Variants in CACNA1E observed in about 807,000 individuals in gnomAD.
CACNA1E encodes voltage-dependent R-type calcium channel subunit alpha-1E.
CACNA1E carries 40 observed loss-of-function variants against 259.2 expected under a neutral mutation model. That is an observed-to-expected ratio of 0.15 (90% CI 0.12 to 0.20). The LOEUF is 0.20. CACNA1E is among the 10% of genes least tolerant of loss of function. CACNA1E has a pLI of 1.00. For synonymous variants in CACNA1E, 1,104 were observed against 1,138.5 expected (o/e 0.97, Z 0.61); for missense variants, 1,874 against 3,040.1 (o/e 0.62, Z 9.02).
chr1:181,322,122 T>C (rs969696878), intron 1 of CACNA1E, among the ~76,000 whole-genome samples: 2 of 152,184 alleles, frequency 1.3e-5, no homozygotes, highest in Non-Finnish European at 2.9e-5. Flanking sequence ...AGCCCAGTTC[T>C]GGTCTGGAAA....
chr1:181,387,635 A>G (rs1340634602), intron 1 of CACNA1E, among the ~76,000 whole-genome samples: 1 of 152,236 alleles, frequency 6.6e-6, no homozygotes, highest in African/African-American at 2.4e-5. Flanking sequence ...CTGGAAGTGC[A>G]GATGGTGTTG....
chr1:181,783,111 A>G (rs1181853479), intron 39 of CACNA1E, among the ~76,000 whole-genome samples: 1 of 152,142 alleles, frequency 6.6e-6, no homozygotes, highest in Admixed American at 6.5e-5. Flanking sequence ...TCCTTTAGAC[A>G]AGTTGGACTT....
At chr1:181,725,657 C>T (rs149187879) in intron 17 of CACNA1E, among the ~76,000 whole-genome samples, 154 of 152,328 alleles carry the variant, frequency 1.0e-3, no homozygotes, top group Non-Finnish European at 1.8e-3. Flanking sequence ...CTTTACTTGG[C>T]GGGGTCCTTG....
chr1:181,552,334 A>G (rs1193647444), intron 3 of CACNA1E, among the ~76,000 whole-genome samples: 6 of 152,188 alleles, frequency 3.9e-5, no homozygotes, highest in Non-Finnish European at 8.8e-5. Flanking sequence ...TGATTTTGTC[A>G]TCTAAGCTGT....
chr1:181,710,379 C>T (rs1386108433), intron 7 of CACNA1E, among the ~76,000 whole-genome samples: 1 of 152,208 alleles, frequency 6.6e-6, no homozygotes, highest in Non-Finnish European at 1.5e-5. Flanking sequence ...GCAGAGGCAA[C>T]ACAGCATTGT....
intron 7 of CACNA1E, among the ~76,000 whole-genome samples, chr1:181,705,343 T>C (rs1652690280): frequency 6.6e-6 from 1 of 152,260 alleles, no homozygotes; most frequent in South Asian, 2.1e-4. Context: ...TAGCTGTGTA[T>C]GAATAGTTGA....
intron 7 of CACNA1E, among the ~76,000 whole-genome samples, chr1:181,699,046 CA>C (rs1651978429): frequency 1.3e-5 from 2 of 152,150 alleles, no homozygotes; most frequent in South Asian, 4.1e-4. Context: ...AATAGGTGTA[CA>C]GCTTGTTTTC....
At chr1:181,553,446 A>T (rs918132013) in intron 3 of CACNA1E, among the ~76,000 whole-genome samples, 1 of 152,206 alleles carries the variant, frequency 6.6e-6, no homozygotes, top group Non-Finnish European at 1.5e-5. Context: ...TGTCATCTGC[A>T]AACAGAGACA....
chr1:181,569,317 G>A (rs528542038), intron 3 of CACNA1E, among the ~76,000 whole-genome samples: 245 of 152,240 alleles, frequency 1.6e-3, no homozygotes, highest in African/African-American at 5.2e-3. Context: ...TGGCATCAAG[G>A]GGCCCCGGCA....
chr1:181,370,881 A>G (rs145482995), intron 1 of CACNA1E, among the ~76,000 whole-genome samples: 2 of 152,174 alleles, frequency 1.3e-5, no homozygotes, highest in African/African-American at 4.8e-5. Flanking sequence ...GCTAATTTAC[A>G]TTTCTACCAT....
At chr1:181,460,659 A>G (rs1462571507) in intron 2 of CACNA1E, among the ~76,000 whole-genome samples, 1 of 152,216 alleles carries the variant, frequency 6.6e-6, no homozygotes, top group African/African-American at 2.4e-5. Flanking sequence ...TTCAGCTCCT[A>G]GTTGAATCAA....
chr1:181,472,350 A>G (rs1449377871), intron 2 of CACNA1E, among the ~76,000 whole-genome samples: 1 of 152,214 alleles, frequency 6.6e-6, no homozygotes, highest in African/African-American at 2.4e-5. Flanking sequence ...ATTGTATTAG[A>G]GACTTGTGTT....
At chr1:181,555,846 T>C in intron 3 of CACNA1E, among the ~76,000 whole-genome samples, 1 of 152,228 alleles carries the variant, frequency 6.6e-6, no homozygotes, top group South Asian at 2.1e-4. Flanking sequence ...CTACCTGAAC[T>C]GTGGCTCCTG....
intron 37 of CACNA1E, among the ~76,000 whole-genome samples, chr1:181,773,989 C>T (rs1213522191): frequency 6.6e-6 from 1 of 152,174 alleles, no homozygotes; most frequent in Non-Finnish European, 1.5e-5. Flanking sequence ...CACAGCTTCT[C>T]AACTCAAACC....
intron 6 of CACNA1E, among the ~76,000 whole-genome samples, chr1:181,593,850 C>A (rs1477084851): frequency 2.0e-5 from 3 of 152,176 alleles, no homozygotes; most frequent in Non-Finnish European, 4.4e-5. Flanking sequence ...GACATCTTAA[C>A]CTTTGCAAGT....
chr1:181,516,009 C>T (rs1025124917), intron 3 of CACNA1E, among the ~76,000 whole-genome samples: 2 of 152,120 alleles, frequency 1.3e-5, no homozygotes, highest in African/African-American at 4.8e-5. Flanking sequence ...GTGTCTATGT[C>T]TCTCTCATCT....
At chr1:181,381,400 A>C (rs1247618580) in intron 1 of CACNA1E, among the ~76,000 whole-genome samples, 1 of 152,230 alleles carries the variant, frequency 6.6e-6, no homozygotes, top group East Asian at 1.9e-4. Flanking sequence ...AGCCAGGCAA[A>C]AATGAGTATG....
At chr1:181,792,875 C>T (rs1230579009) in intron 44 of CACNA1E, among the ~76,000 whole-genome samples, 1 of 152,216 alleles carries the variant, frequency 6.6e-6, no homozygotes, top group African/African-American at 2.4e-5. Flanking sequence ...TAGAGATTTC[C>T]AGTCCAACCT....
intron 2 of CACNA1E, among the ~76,000 whole-genome samples, chr1:181,424,417 G>A (rs977269835): frequency 5.3e-5 from 8 of 152,204 alleles, no homozygotes; most frequent in Non-Finnish European, 8.8e-5. Context: ...CTGGTGACTC[G>A]CCTTTCCCTT....
Sources: allele counts gnomAD v4.1 joint callset (sites outside exome capture counted in the v4.1 genomes callset), GRCh38; gene constraint gnomAD v4.1.1; transcripts MANE v1.5; gene names NCBI Gene and HGNC (gene_info 2026-07-23, HGNC 2026-07-21).